FREM1: variants seen among roughly 807,000 people sequenced by gnomAD.
FREM1 encodes FRAS1 related extracellular matrix 1.
In FREM1, 220 loss-of-function variants were observed where a neutral mutation model predicts 210.1. That is an observed-to-expected ratio of 1.05 (90% confidence interval 0.94 to 1.17). FREM1 has a LOEUF of 1.17. FREM1 is among the 50% of genes most tolerant of loss of function. The pLI is 0.00. For missense variants in FREM1, 3,454 were observed against 2,675.5 expected, an observed-to-expected ratio of 1.29 and a Z score of -6.42; for synonymous variants, 1,189 against 980.2, an observed-to-expected ratio of 1.21 and a Z score of -3.98.
chr9:14,856,883 T>C (rs914929063), intron 5 of FREM1, among the ~76,000 whole-genome samples: 2 of 151,760 alleles, frequency 1.3e-5, no homozygotes, highest in African/African-American at 4.8e-5. Context: ...AGGTGCAGTT[T>C]CCCCGGTTTC....
intron 5 of FREM1, among the ~76,000 whole-genome samples, chr9:14,854,187 G>A (rs1828293577): frequency 6.6e-6 from 1 of 152,078 alleles, no homozygotes; most frequent in African/African-American, 2.4e-5. Context: ...AACATCAACT[G>A]TGATAAGGAA....
chr9:14,817,401 T>C (rs761650636), intron 14 of FREM1, among the ~76,000 whole-genome samples: 1 of 152,216 alleles, frequency 6.6e-6, no homozygotes, highest in African/African-American at 2.4e-5. Flanking sequence ...ATTGACTAGC[T>C]ATCTTCCTCT....
At chr9:14,886,350 C>T (rs1196890302) in intron 1 of FREM1, among the ~76,000 whole-genome samples, 1 of 120,456 alleles carries the variant, frequency 8.3e-6, no homozygotes, top group African/African-American at 3.1e-5. Flanking sequence ...CGTGCCACTG[C>T]ACTCCAGCCT....
chr9:14,894,720 T>C (rs1837406695), intron 1 of FREM1, among the ~76,000 whole-genome samples: 1 of 152,236 alleles, frequency 6.6e-6, no homozygotes, highest in African/African-American at 2.4e-5. Flanking sequence ...AGTATACTCC[T>C]ATGAACAGAA....
chr9:14,901,167 G>A (rs1838718053), intron 1 of FREM1, among the ~76,000 whole-genome samples: 1 of 152,120 alleles, frequency 6.6e-6, no homozygotes, highest in African/African-American at 2.4e-5. Flanking sequence ...GGATATTTAG[G>A]TTTAGGCAGT....
chr9:14,748,961 C>T (rs968633675), intron 30 of FREM1, among the ~76,000 whole-genome samples: 13 of 152,146 alleles, frequency 8.5e-5, no homozygotes, highest in South Asian at 2.1e-4. Flanking sequence ...TTATAGTATT[C>T]CCCAACATAA....
At chr9:14,780,451 G>A (rs1373092108) in intron 24 of FREM1, among the ~76,000 whole-genome samples, 592 of 64,512 alleles carry the variant, frequency 9.2e-3, no homozygotes, top group Non-Finnish European at 0.013. Flanking sequence ...AAAAAAAAAA[G>A]TCCAGCCGGC....
chr9:14,820,526 G>A (rs1416424483), intron 13 of FREM1, among the ~76,000 whole-genome samples: 1 of 152,312 alleles, frequency 6.6e-6, no homozygotes, highest in East Asian at 1.9e-4. Context: ...GAAAGGGAAG[G>A]AAGCAAGTGA....
At chr9:14,910,907 A>C (rs1818583752), upstream of FREM1, 2 of 152,208 alleles carry the variant, frequency 1.3e-5, no homozygotes, top group Admixed American at 6.5e-5. Flanking sequence ...TTGTCATGGC[A>C]TTTAAGGGAA....
rs562432024 is a variant in FREM1 at position 14,823,193 on chromosome 9, A to T, written c.2304T>A (p.Ile768=). The T allele has an allele frequency of 2.5e-6, 4 of 1,613,752 alleles. No individual in the cohort carries two copies. Among genetic ancestry groups the T allele is most frequent in the Non-Finnish European group, 3.4e-6 (4 of 1,179,800 alleles). ...CTTGATTGTCCACTGGGAGGATTGT[A>T]ATGTTAAAGCAGATCCCATGCAAAG... is the stretch of plus-strand genomic sequence containing the variant. ...GGTLHGICFN[I]TILPVDNQVP... Residue 768 remains isoleucine, a synonymous_variant, in exon 13 of 37, where the codon ATT becomes ATA. Coordinates refer to ENST00000380880, the MANE Select transcript of FREM1 (RefSeq NM_001379081.2).
At chr9:14,839,353 A>G (rs1054210341) in intron 10 of FREM1, among the ~76,000 whole-genome samples, 5 of 152,340 alleles carry the variant, frequency 3.3e-5, no homozygotes, top group Admixed American at 2.6e-4. Flanking sequence ...TATTTTGGTC[A>G]TAAGTTTAAA....
intron 10 of FREM1, among the ~76,000 whole-genome samples, chr9:14,825,547 G>GTGTGTGTATATATATATATATATATATA: frequency 7.9e-4 from 60 of 75,796 alleles, no homozygotes; most frequent in South Asian, 9.7e-4. Context: ...GTGTGTGTGT[G>GTGTGTGTATATATATATATATATATATA]TATATATATA....
chr9:14,860,644 T>TAC (rs1588426672), intron 3 of FREM1, among the ~76,000 whole-genome samples: 1 of 141,554 alleles, frequency 7.1e-6, no homozygotes, highest in African/African-American at 2.6e-5. Context: ...TACACATGTA[T>TAC]ACATATATAC....
At position 14,737,368 on chromosome 9, in the gene FREM1, A is replaced by G; in HGVS notation, c.*28T>C. On this transcript the variant is annotated 3_prime_UTR_variant, in exon 37 of 37. Transcript: ENST00000380880. ...TGTGAATAAATAGGTGACAAACTCC[A>G]GGTGGCCCCCTGTAGGGTCTGTTAT... The G allele has an allele frequency of 6.4e-7, 1 of 1,564,498 alleles. No individual in the cohort carries two copies. The highest frequency in any genetic ancestry group is 2.2e-5 in the East Asian group (1 of 44,530).
intron 21 of FREM1, among the ~76,000 whole-genome samples, chr9:14,795,545 T>A (rs1852213401): frequency 6.6e-6 from 1 of 152,160 alleles, no homozygotes; most frequent in African/African-American, 2.4e-5. Context: ...TATTACTTCC[T>A]ATCCACAGGA....
chr9:14,752,211 G>C (rs1017723525), intron 29 of FREM1, among the ~76,000 whole-genome samples: 1 of 151,920 alleles, frequency 6.6e-6, no homozygotes, highest in African/African-American at 2.4e-5. Flanking sequence ...AATAATTATT[G>C]AAAGCTATGT....
rs542079945 is a variant in FREM1, at chr9:14,756,935, C to A, written c.5335-489G>T. The stretch of plus-strand genomic sequence containing the variant: ...CTCCAGGGCACTGAAAGCCTTTAGA[C>A]TAGATTAACTCAAACACATCTGGTT... On this transcript the variant is annotated intron_variant, in intron 28 of 36. Coordinates refer to ENST00000380880, the MANE Select transcript of FREM1 (RefSeq NM_001379081.2). 2.4e-4 allele frequency among the ~76,000 whole-genome samples: 36 copies of A among 152,256 alleles called. 1 individual carries two copies. The South Asian group carries it at 7.5e-3, about 32-fold the overall frequency.
chr9:14,845,370 T>C (rs894363418), intron 8 of FREM1, among the ~76,000 whole-genome samples: 1 of 152,162 alleles, frequency 6.6e-6, no homozygotes, highest in Non-Finnish European at 1.5e-5. Context: ...AGTGGCGTGA[T>C]CTTGGCTCAC....
intron 10 of FREM1, among the ~76,000 whole-genome samples, chr9:14,831,290 T>C (rs1357844102): frequency 6.6e-6 from 1 of 152,218 alleles, no homozygotes; most frequent in Non-Finnish European, 1.5e-5. Context: ...ACTCTTTCTC[T>C]GCATGAAATG....
Sources: gnomAD v4.1 joint callset for allele counts (sites outside exome capture counted in the v4.1 genomes callset) on GRCh38, gnomAD v4.1.1 for gene constraint, MANE v1.5 for transcripts, NCBI Gene and HGNC (gene_info 2026-07-23, HGNC 2026-07-21) for gene names.